The following GALNT16 variants were observed in gnomAD, a reference collection of about 807,000 sequenced individuals.
The protein encoded by GALNT16 is UDP-GalNAc:polypeptide N-acetylgalactosaminyltransferase-like protein 1.
Under a neutral mutation model 76.1 loss-of-function variants are expected in GALNT16, and 40 were observed. That is an observed-to-expected ratio of 0.53 (90% CI 0.41 to 0.68). The LOEUF (loss-of-function observed/expected upper bound fraction) is 0.68. Ranked by LOEUF, GALNT16 falls within the 30% of genes least tolerant of loss-of-function variation. The pLI is 0.00. For missense variants in GALNT16, 621 were observed against 731.9 expected (o/e 0.85, Z 1.75); for synonymous variants, 276 against 285.2 (o/e 0.97, Z 0.32).
chr14:69,308,251 C>T (rs926100877), intron 1 of GALNT16, among the ~76,000 whole-genome samples: 1 of 151,246 alleles, frequency 6.6e-6, no homozygotes, highest in Non-Finnish European at 1.5e-5. Context: ...TTAAGGTTCA[C>T]CTGTTTCTTA....
chr14:69,355,276 G>C (rs1044710705), downstream of GALNT16: 2 of 152,296 alleles, frequency 1.3e-5, no homozygotes, highest in Non-Finnish European at 2.9e-5. Context: ...CAAAGCCCTA[G>C]CTGGCTGCAG....
At chr14:69,373,777 T>C in the GALNT16 span, among the ~76,000 whole-genome samples, 1 of 152,042 alleles carries the variant, frequency 6.6e-6, no homozygotes, top group Non-Finnish European at 1.5e-5. Flanking sequence ...TCTTTCTCTC[T>C]TTCCTTTTTC....
At chr14:69,296,747 TAGATAGATAGATAGATAGATAGAC>T (rs2044769162) in intron 1 of GALNT16, among the ~76,000 whole-genome samples, 2 of 150,892 alleles carry the variant, frequency 1.3e-5, no homozygotes, top group South Asian at 4.2e-4. Context: ...GATAGATAGA[TAGATAGATAGATAGATAGATAGAC>T]AGATAGATGA....
chr14:69,302,518 T>A (rs12232128), intron 1 of GALNT16, among the ~76,000 whole-genome samples: 10,338 of 152,264 alleles, frequency 0.068, 625 homozygotes, highest in East Asian at 0.32. Flanking sequence ...TTTTTCAAAC[T>A]TTGTTTAGTA....
At chr14:69,294,277 G>C (rs916319125) in intron 1 of GALNT16, among the ~76,000 whole-genome samples, 2 of 151,988 alleles carry the variant, frequency 1.3e-5, no homozygotes, top group Admixed American at 1.3e-4. Context: ...GCGTGCCACT[G>C]CGCCTGGCTA....
intron 9 of GALNT16, among the ~76,000 whole-genome samples, chr14:69,338,390 C>G (rs956699483): frequency 2.6e-5 from 4 of 152,214 alleles, no homozygotes; most frequent in Non-Finnish European, 5.9e-5. Context: ...GGTGTTCCTT[C>G]AAGCTTTTTC....
the GALNT16 span, among the ~76,000 whole-genome samples, chr14:69,381,698 C>CA: frequency 1.3e-5 from 2 of 151,922 alleles, no homozygotes; most frequent in East Asian, 3.9e-4. Flanking sequence ...CCGACCCCTG[C>CA]TTTTTTTTGA....
At chr14:69,375,859 G>A in the GALNT16 span, among the ~76,000 whole-genome samples, 1 of 152,136 alleles carries the variant, frequency 6.6e-6, no homozygotes, top group Non-Finnish European at 1.5e-5. Context: ...CTGCAGTCTA[G>A]AATTCCTGGC....
intron 3 of GALNT16, 31 bp downstream of exon 3, chr14:69,324,821 T>G (rs2045257834): frequency 7.0e-7 from 1 of 1,430,210 alleles, no homozygotes; most frequent in African/African-American, 1.4e-5. Flanking sequence ...CTCATCTCAG[T>G]GGTGCTGGCA....
At chr14:69,344,218 G>T (rs546737673) in intron 12 of GALNT16, among the ~76,000 whole-genome samples, 41 of 152,370 alleles carry the variant, frequency 2.7e-4, no homozygotes, top group African/African-American at 9.9e-4. Flanking sequence ...TTAGAGCTCT[G>T]CAGCTGGCCT....
At chr14:69,366,545 A>G in the GALNT16 span, among the ~76,000 whole-genome samples, 2 of 152,216 alleles carry the variant, frequency 1.3e-5, no homozygotes, top group East Asian at 1.9e-4. Context: ...GATTTCCTTC[A>G]TAACTACAAC....
chr14:69,346,780 TC>T (rs972313231), intron 12 of GALNT16, among the ~76,000 whole-genome samples: 11 of 152,002 alleles, frequency 7.2e-5, no homozygotes, highest in African/African-American at 2.7e-4. Flanking sequence ...CGCCCATGGC[TC>T]CCCCATCCTC....
chr14:69,331,339 G>A (rs2045349259), intron 6 of GALNT16, 125 bp from the exon 7 acceptor site: 3 of 693,132 alleles, frequency 4.3e-6, no homozygotes, highest in Non-Finnish European at 7.9e-6. Flanking sequence ...GGTGGCCCTG[G>A]GCATACCCTG....
At chr14:69,350,171 CA>C in intron 14 of GALNT16, 1 of 152,424 alleles carries the variant, frequency 6.6e-6, no homozygotes, top group East Asian at 1.9e-4. Context: ...GAGATCGTGT[CA>C]CTGCACTCCT....
chr14:69,311,562 C>T (rs1170208024), intron 1 of GALNT16, among the ~76,000 whole-genome samples: 2 of 152,140 alleles, frequency 1.3e-5, no homozygotes, highest in Non-Finnish European at 2.9e-5. Context: ...AAAAATCTGC[C>T]TTTGTCATGC....
At chr14:69,341,660 A>C (rs1238782739) in intron 11 of GALNT16, 21 bp from the exon 12 acceptor site, 8 of 1,576,846 alleles carry the variant, frequency 5.1e-6, no homozygotes, top group East Asian at 2.3e-5. Flanking sequence ...GCCAAAGCCC[A>C]AGCCCTGCCT....
At chr14:69,378,140 T>C in the GALNT16 span, among the ~76,000 whole-genome samples, 2 of 152,198 alleles carry the variant, frequency 1.3e-5, no homozygotes, top group African/African-American at 2.4e-5. Flanking sequence ...CATAACCTGT[T>C]TGAGCATTTA....
Position 69,339,018 on chromosome 14 carries a change from G to A in GALNT16, c.1094+241G>A, listed in dbSNP as rs77420198. ...GACTTCCTTTGTCCATATGAGTCTC[G>A]GAAAATTGGCCAAATCCCCAACTAA... is the stretch of plus-strand genomic sequence containing the variant. On this transcript the variant is annotated intron_variant, in intron 10 of 14. Transcript: ENST00000448469. Among the ~76,000 whole-genome samples the A allele has an allele frequency of 5.7e-3, 874 of 152,046 alleles. 9 individuals carry two copies. The highest frequency in any genetic ancestry group is 0.019 in the African/African-American group (801 of 41,438).
chr14:69,375,003 GC>G, the GALNT16 span, among the ~76,000 whole-genome samples: 1 of 152,166 alleles, frequency 6.6e-6, no homozygotes, highest in Admixed American at 6.5e-5. Context: ...CTCTTATTAG[GC>G]CTTACTTCCA....
Sources: gnomAD v4.1 joint callset for allele counts (sites outside exome capture counted in the v4.1 genomes callset) on GRCh38, gnomAD v4.1.1 for gene constraint, MANE v1.5 for transcripts, NCBI Gene and HGNC (gene_info 2026-07-23, HGNC 2026-07-21) for gene names.